RBFOX1: variants seen among roughly 807,000 people sequenced by gnomAD.
The protein encoded by RBFOX1 is RNA binding fox-1 homolog 1, also known as RNA binding protein fox-1 homolog 1.
In RBFOX1, 8 loss-of-function variants were observed where a neutral mutation model predicts 57.7. The ratio of observed to expected loss-of-function variants is 0.14; its 90% CI spans 0.08 to 0.25. The LOEUF is 0.25. Ranked by LOEUF, RBFOX1 falls within the 10% of genes least tolerant of loss-of-function variation. The probability of loss-of-function intolerance (pLI) is 1.00; values close to 1 mark genes in which losing one functional copy is unlikely to be tolerated. For missense variants in RBFOX1, 611 were observed against 548.5 expected (o/e 1.11, Z -1.14); for synonymous variants, 326 against 222.4 (o/e 1.47, Z -4.15).
intron 13 of RBFOX1, among the ~76,000 whole-genome samples, chr16:7,665,676 G>A (rs2069037678): frequency 6.6e-6 from 1 of 152,154 alleles, no homozygotes; most frequent in African/African-American, 2.4e-5. Flanking sequence ...TATGATATGA[G>A]CATTGACGAT....
chr16:6,008,592 C>A (rs1005104744), intron 4 of RBFOX1, among the ~76,000 whole-genome samples: 1 of 152,042 alleles, frequency 6.6e-6, no homozygotes, highest in Non-Finnish European at 1.5e-5. Context: ...GGAGTCATAT[C>A]CCAGAGCTTC....
At chr16:6,741,932 T>C (rs899491662) in intron 3 of RBFOX1, among the ~76,000 whole-genome samples, 1 of 152,194 alleles carries the variant, frequency 6.6e-6, no homozygotes, top group African/African-American at 2.4e-5. Flanking sequence ...AGTGATAGAC[T>C]GTAGTTAATA....
intron 4 of RBFOX1, among the ~76,000 whole-genome samples, chr16:7,358,725 A>C (rs1320105819): frequency 1.3e-5 from 2 of 152,146 alleles, no homozygotes; most frequent in African/African-American, 4.8e-5. Flanking sequence ...CAGTCTCTTA[A>C]GTACTTTTTA....
At chr16:6,768,158 C>G (rs1341822762) in intron 3 of RBFOX1, among the ~76,000 whole-genome samples, 2 of 151,558 alleles carry the variant, frequency 1.3e-5, no homozygotes, top group Non-Finnish European at 2.9e-5. Context: ...GATTGTAACA[C>G]TGCACTTCAG....
chr16:5,862,545 C>G (rs1394874920), intron 3 of RBFOX1, among the ~76,000 whole-genome samples: 1 of 152,190 alleles, frequency 6.6e-6, no homozygotes, highest in East Asian at 1.9e-4. Context: ...CAGTCACCCA[C>G]TGCGTGTCAG....
rs78834083 is a variant in RBFOX1 at position 7,305,238 on chromosome 16, C to G, written c.28-212909C>G. ...TTGTGCACATTTCAGTCTTTTGACA[C>G]CTTACTCTCTGTCTTTCTCAGGGTG... On this transcript the variant is annotated intron_variant, in intron 4 of 15. Coordinates refer to ENST00000550418, the MANE Select transcript of RBFOX1 (RefSeq NM_018723.4). Among the ~76,000 whole-genome samples, 678 of 152,034 alleles carry G rather than the reference C, an allele frequency of 4.5e-3. 2 individuals carry two copies. Among genetic ancestry groups the G allele is most frequent in the African/African-American group, 0.015 (635 of 41,446 alleles).
At chr16:6,143,631 G>A (rs1249903116) in intron 1 of RBFOX1, among the ~76,000 whole-genome samples, 1 of 152,160 alleles carries the variant, frequency 6.6e-6, no homozygotes, top group Non-Finnish European at 1.5e-5. Context: ...AATCATGCAT[G>A]TATCTTATAT....
chr16:7,585,273 A>G (rs942683098), intron 6 of RBFOX1, among the ~76,000 whole-genome samples: 1 of 152,180 alleles, frequency 6.6e-6, no homozygotes, highest in Non-Finnish European at 1.5e-5. Flanking sequence ...CATTTCCCCA[A>G]TCTGAATGTT....
At chr16:6,220,723 C>CT (rs1567708076) in intron 1 of RBFOX1, among the ~76,000 whole-genome samples, 5 of 12,096 alleles carry the variant, frequency 4.1e-4, no homozygotes, top group South Asian at 0.038. Context: ...TGACTAACCG[C>CT]CCCCCCCCAG....
chr16:6,900,924 A>G (rs1348941844), intron 3 of RBFOX1, among the ~76,000 whole-genome samples: 2 of 152,182 alleles, frequency 1.3e-5, no homozygotes, highest in African/African-American at 4.8e-5. Context: ...GCACATGGTA[A>G]ATGCTAATGA....
intron 1 of RBFOX1, among the ~76,000 whole-genome samples, chr16:6,078,400 T>C (rs1351423073): frequency 1.3e-5 from 2 of 150,898 alleles, no homozygotes; most frequent in Non-Finnish European, 3.0e-5. Context: ...TTATGAGACG[T>C]TTTTGGGGGA....
chr16:5,619,305 C>G (rs530917600), intron 3 of RBFOX1, among the ~76,000 whole-genome samples: 212 of 152,278 alleles, frequency 1.4e-3, no homozygotes, highest in African/African-American at 4.7e-3. Context: ...AACTCTGACC[C>G]TGGAACGGAG....
At chr16:7,694,774 T>G (rs1252969184) in intron 14 of RBFOX1, among the ~76,000 whole-genome samples, 1 of 152,102 alleles carries the variant, frequency 6.6e-6, no homozygotes, top group Non-Finnish European at 1.5e-5. Flanking sequence ...CTTAGTGGAA[T>G]GGAGCATGAA....
chr16:6,496,336 A>C (rs912253635), intron 2 of RBFOX1, among the ~76,000 whole-genome samples: 1 of 152,178 alleles, frequency 6.6e-6, no homozygotes, highest in African/African-American at 2.4e-5. Flanking sequence ...CACAGGCTTC[A>C]ACTTTTTCCT....
At chr16:7,190,866 A>C (rs564035421) in intron 4 of RBFOX1, among the ~76,000 whole-genome samples, 1 of 152,332 alleles carries the variant, frequency 6.6e-6, no homozygotes, top group African/African-American at 2.4e-5. Context: ...AGGATTGACT[A>C]TTCTTCAGAG....
intron 4 of RBFOX1, among the ~76,000 whole-genome samples, chr16:6,008,228 G>A (rs1249298183): frequency 1.5e-5 from 2 of 130,070 alleles, no homozygotes; most frequent in Admixed American, 1.9e-4. Context: ...CCAAAAAAAG[G>A]TAGTGTGTAG....
intron 4 of RBFOX1, among the ~76,000 whole-genome samples, chr16:5,910,999 C>G (rs1241133953): frequency 2.6e-5 from 4 of 152,154 alleles, no homozygotes; most frequent in Non-Finnish European, 5.9e-5. Flanking sequence ...TAATGCAAAT[C>G]ATGCCCCCTT....
chr16:6,994,371 A>G (rs1470798715), intron 3 of RBFOX1, among the ~76,000 whole-genome samples: 2 of 152,194 alleles, frequency 1.3e-5, no homozygotes, highest in Non-Finnish European at 2.9e-5. Context: ...GATAACAAAC[A>G]CAGAGTTGAG....
At chr16:7,105,355 G>A (rs958259893) in intron 4 of RBFOX1, among the ~76,000 whole-genome samples, 11 of 148,724 alleles carry the variant, frequency 7.4e-5, no homozygotes, top group Middle Eastern at 3.5e-3. Flanking sequence ...CATAGGTTTC[G>A]GGGAACGGGT....
Sources: gnomAD v4.1 joint callset for allele counts (sites outside exome capture counted in the v4.1 genomes callset) on GRCh38, gnomAD v4.1.1 for gene constraint, MANE v1.5 for transcripts, NCBI Gene and HGNC (gene_info 2026-07-23, HGNC 2026-07-21) for gene names.